The following DNAH7 variants were observed in gnomAD, a reference collection of about 807,000 sequenced individuals.
The protein encoded by DNAH7 is axonemal beta dynein heavy chain 7.
DNAH7 carries 397 observed loss-of-function variants against 444.6 expected under a neutral mutation model. That is an observed-to-expected ratio of 0.89 (90% CI 0.82 to 0.97). The LOEUF is 0.97. Ranked by LOEUF, DNAH7 falls within the 50% of genes least tolerant of loss-of-function variation. DNAH7 has a pLI of 0.00. For synonymous variants in DNAH7, 1,636 were observed against 1,624.4 expected, an observed-to-expected ratio of 1.01 and a Z score of -0.17; for missense variants, 4,902 against 4,800.8, an observed-to-expected ratio of 1.02 and a Z score of -0.62.
intron 5 of DNAH7, among the ~76,000 whole-genome samples, chr2:196,039,480 A>C (rs1010105802): frequency 7.2e-5 from 11 of 152,220 alleles, no homozygotes; most frequent in African/African-American, 2.6e-4. Context: ...TAGAAGAAAT[A>C]ATAAAGACCA....
intron 40 of DNAH7, among the ~76,000 whole-genome samples, chr2:195,866,360 AAT>A (rs1358462196): frequency 4.0e-5 from 6 of 151,368 alleles, no homozygotes; most frequent in African/African-American, 1.5e-4. Flanking sequence ...TTTTTTCACT[AAT>A]AGTGTCTGCA....
chr2:196,002,900 C>T (rs1051777228), intron 10 of DNAH7, among the ~76,000 whole-genome samples: 6 of 151,500 alleles, frequency 4.0e-5, no homozygotes, highest in Admixed American at 6.6e-5. Context: ...CCCAGCTACT[C>T]GGGAGGCTGA....
chr2:195,937,411 C>T (rs1192677633), intron 19 of DNAH7, among the ~76,000 whole-genome samples: 2 of 152,136 alleles, frequency 1.3e-5, no homozygotes, highest in Non-Finnish European at 2.9e-5. Context: ...ACCTTTAAGG[C>T]ATGGTGAACA....
rs5837487 is a variant in DNAH7 at position 196,001,372 on chromosome 2, C to CTTT, written c.1173+300_1173+302dup. ...CTAAATATGCAGGTTGACATTAACT[C>CTTT]TTTTTTTTTTGAGACAGGGTCTCGC... is the stretch of plus-strand genomic sequence containing the variant. On this transcript the variant is annotated intron_variant, in intron 11 of 64. Transcript: ENST00000312428. 2.1e-3 allele frequency among the ~76,000 whole-genome samples: 317 copies of CTTT among 149,090 alleles called. 1 individual carries two copies. The highest frequency in any genetic ancestry group is 7.1e-3 in the African/African-American group (288 of 40,442).
chr2:196,039,348 A>G (rs1230087677), intron 5 of DNAH7, among the ~76,000 whole-genome samples: 1 of 152,226 alleles, frequency 6.6e-6, no homozygotes, highest in Non-Finnish European at 1.5e-5. Flanking sequence ...GGAATACAGC[A>G]AAAGCAGTGC....
chr2:195,906,796 A>C lies in DNAH7; in HGVS notation c.4208-10T>G. On this transcript the variant is annotated splice_polypyrimidine_tract_variant and intron_variant, in intron 26 of 64. Transcript: ENST00000312428. The stretch of plus-strand genomic sequence containing the variant: ...GCACCTGCATTAATACCTGTAGGTA[A>C]TCAGGAATGAAATGACTTAGTAATA... 6.2e-7 allele frequency: 1 copy of C among 1,612,934 alleles called. No individual in the cohort carries two copies. The highest frequency in any genetic ancestry group is 1.3e-5 in the African/African-American group (1 of 74,994).
At chr2:195,773,924 T>C (rs1452640108) in intron 60 of DNAH7, among the ~76,000 whole-genome samples, 1 of 152,224 alleles carries the variant, frequency 6.6e-6, no homozygotes, top group Non-Finnish European at 1.5e-5. Flanking sequence ...ACAAAAAGTC[T>C]TGTCATCATT....
At chr2:195,858,392 A>G in intron 43 of DNAH7, 82 bp downstream of exon 43, 1 of 1,164,710 alleles carries the variant, frequency 8.6e-7, no homozygotes, top group Non-Finnish European at 1.1e-6. Flanking sequence ...TCGGAGAGAC[A>G]AACTAGACTA....
chr2:195,805,043 A>G (rs963216924), intron 54 of DNAH7, among the ~76,000 whole-genome samples: 2 of 152,176 alleles, frequency 1.3e-5, no homozygotes, highest in Non-Finnish European at 2.9e-5. Flanking sequence ...CAGCTTGACT[A>G]TGTAACTTCC....
At chr2:195,923,002 C>G (rs1252449550) in intron 23 of DNAH7, among the ~76,000 whole-genome samples, 3 of 152,090 alleles carry the variant, frequency 2.0e-5, no homozygotes, top group African/African-American at 7.2e-5. Flanking sequence ...GCTGGGGCTA[C>G]AAGCACGCCC....
rs751149082 is a variant in DNAH7, at chr2:195,891,706, T to G, written c.4995A>C (p.Glu1665Asp). The G allele has an allele frequency of 3.1e-6, 5 of 1,608,084 alleles. No homozygotes were observed. In the South Asian group the frequency reaches 5.6e-5, roughly 18 times the overall value. ...LYGQFDSVSH[E>D]WSDGVLAVSF... ...TGACAGCAAGGACCCCATCAGACCA[T>G]TCATGGGACACTGAATCAAACTGTC... The change falls in exon 31 of 65, where the codon GAA (glutamate) becomes GAC (aspartate). Residue 1665 changes from glutamate (E) to aspartate (D), a missense_variant. By Grantham distance (45) the Glu-to-Asp change is conservative. Transcript: ENST00000312428.
At chr2:195,828,376 A>C (rs955947493) in intron 48 of DNAH7, among the ~76,000 whole-genome samples, 13 of 152,020 alleles carry the variant, frequency 8.6e-5, no homozygotes, top group Admixed American at 8.5e-4. Flanking sequence ...TGAGGTCAGG[A>C]CATCGAGACC....
chr2:195,976,782 A>AGAGAGAGAGAGAGAGG (rs1271798254), intron 15 of DNAH7, among the ~76,000 whole-genome samples: 44 of 146,702 alleles, frequency 3.0e-4, no homozygotes, highest in Non-Finnish European at 4.0e-4. Context: ...AGAGAGAGAG[A>AGAGAGAGAGAGAGAGG]GAGAGACTCT....
rs1697206064 is a variant in DNAH7 at position 196,047,454 on chromosome 2, T to C, written c.296A>G (p.Gln99Arg). Reference protein sequence around the residue: ...RFGKKGKLPHQVDDSYVGPST... With the variant: ...RFGKKGKLPHRVDDSYVGPST... The stretch of plus-strand genomic sequence containing the variant: ...TGGTCCAACATAACTATCATCAACT[T>C]GGTGGGGTAATTTGCCCTTTTTTCC... The change falls in exon 5 of 65, where the codon CAA becomes CGA. Residue 99 changes from glutamine to arginine, a missense_variant. Coordinates refer to ENST00000312428, the MANE Select transcript of DNAH7 (RefSeq NM_018897.3). The C allele has an allele frequency of 1.2e-6, 2 of 1,602,790 alleles. No individual in the cohort carries two copies. The highest frequency in any genetic ancestry group is 1.3e-5 in the African/African-American group (1 of 74,618).
chr2:195,843,893 G>A (rs1455578955), intron 47 of DNAH7, among the ~76,000 whole-genome samples: 1 of 151,960 alleles, frequency 6.6e-6, no homozygotes, highest in Non-Finnish European at 1.5e-5. Flanking sequence ...TCAGGAGATC[G>A]AGACCATCCT....
chr2:195,823,280 T>C (rs1239402595), intron 49 of DNAH7, among the ~76,000 whole-genome samples: 2 of 152,222 alleles, frequency 1.3e-5, no homozygotes, highest in Non-Finnish European at 2.9e-5. Context: ...CTTCCTGACA[T>C]CCCTGAATGT....
chr2:195,984,569 C>G (rs919444786), intron 15 of DNAH7, 63 bp downstream of exon 15: 77 of 1,427,930 alleles, frequency 5.4e-5, no homozygotes, highest in Admixed American at 1.7e-5. Flanking sequence ...ATTTGTTACT[C>G]CGCATTATTG....
chr2:195,743,534 A>G (rs960255097), intron 63 of DNAH7, among the ~76,000 whole-genome samples: 6 of 152,242 alleles, frequency 3.9e-5, no homozygotes, highest in African/African-American at 9.6e-5. Flanking sequence ...AAACAGGAAC[A>G]TAACAAAAAT....
intron 17 of DNAH7, among the ~76,000 whole-genome samples, chr2:195,964,351 T>C (rs1403283846): frequency 6.6e-6 from 1 of 152,168 alleles, no homozygotes; most frequent in Admixed American, 6.5e-5. Context: ...TGTAGAGATC[T>C]GTGGCTTCTT....
Sources: gnomAD v4.1 joint callset for allele counts (sites outside exome capture counted in the v4.1 genomes callset) on GRCh38, gnomAD v4.1.1 for gene constraint, MANE v1.5 for transcripts, NCBI Gene and HGNC (gene_info 2026-07-23, HGNC 2026-07-21) for gene names.